The following TPP2 variants were observed in gnomAD, a reference collection of about 807,000 sequenced individuals.
TPP2 encodes the protein tripeptidyl-peptidase 2.
A neutral mutation model predicts 155.9 loss-of-function variants in TPP2; 34 were observed. The observed-to-expected ratio is 0.22, with a 90% CI of 0.17 to 0.29. The LOEUF (loss-of-function observed/expected upper bound fraction) is 0.29, where lower values mean the gene tolerates loss of function less well. Among genes scored for constraint, TPP2 ranks in the 10% least tolerant of loss-of-function variants. The pLI is 1.00. For synonymous variants in TPP2, 510 were observed against 529.4 expected (o/e 0.96, Z 0.50); for missense variants, 1,028 against 1,522.3 (o/e 0.68, Z 5.40).
Position 102,644,905 on chromosome 13 carries a change from G to A in TPP2, c.2293-4G>A. 1.2e-6 allele frequency: 2 copies of A among 1,612,684 alleles called. No individual in the cohort carries two copies. Among genetic ancestry groups the A allele is most frequent in the South Asian group, 1.1e-5 (1 of 90,792 alleles). ...GAGAAAGTAATTTGAGAAATCCTTT[G>A]TAGCATGCATCGGAAGGAATCAACC... is the stretch of plus-strand genomic sequence containing the variant. On this transcript the variant is annotated splice_region_variant and splice_polypyrimidine_tract_variant and intron_variant, in intron 18 of 29. Coordinates refer to ENST00000376052, the MANE Select transcript of TPP2 (RefSeq NM_001330588.2).
rs149378137 is a variant in TPP2 at position 102,663,132 on chromosome 13, T to TTA, written c.3144-515_3144-514insAT. Among the ~76,000 whole-genome samples, 10 of 150,606 alleles carry TTA rather than the reference T, an allele frequency of 6.6e-5. No individual in the cohort carries two copies. In the South Asian group the frequency reaches 8.4e-4, roughly 13 times the overall value. On this transcript the variant is annotated intron_variant, in intron 25 of 29. Coordinates refer to ENST00000376052, the MANE Select transcript of TPP2 (RefSeq NM_001330588.2). Reference sequence around the variant, plus strand: ...TTTTCAGTTTGATTTATTTATTTATTTTTTTTAATTAATTAATTAATTTAT... The same window carrying TTA: ...TTTTCAGTTTGATTTATTTATTTATTTATTTTTTAATTAATTAATTAATTTAT...
Position 102,674,440 on chromosome 13 carries a change from G to T in TPP2, c.3529G>T (p.Ala1177Ser), listed in dbSNP as rs1885175254. 1 of 1,613,870 alleles carries T rather than the reference G, an allele frequency of 6.2e-7. No homozygotes were observed. The highest frequency in any genetic ancestry group is 1.1e-5 in the South Asian group (1 of 91,068). Reference protein sequence around the residue: ...EEGESPLDSLAETFWETTKWT... With the variant: ...EEGESPLDSLSETFWETTKWT... ...AGGAGAAAGTCCTTTGGATTCTCTG[G>T]CAGAAACATTTTGGGAAACTACTAA... The change falls in exon 28 of 30, where the codon GCA (alanine) becomes TCA (serine). Residue 1177 changes from alanine to serine, a missense_variant. Coordinates refer to ENST00000376052, the MANE Select transcript of TPP2 (RefSeq NM_001330588.2).
chr13:102,629,706 C>T, intron 9 of TPP2, 97 bp downstream of exon 9: 1 of 1,418,222 alleles, frequency 7.1e-7, no homozygotes, highest in Non-Finnish European at 9.2e-7. Flanking sequence ...ACACGTAAGA[C>T]ACTGTACACC....
chr13:102,647,743 C>T (rs1883219335), intron 21 of TPP2, among the ~76,000 whole-genome samples: 1 of 152,078 alleles, frequency 6.6e-6, no homozygotes, highest in Non-Finnish European at 1.5e-5. Context: ...CAGCAGTGGC[C>T]GCATGTCTTC....
intron 6 of TPP2, among the ~76,000 whole-genome samples, chr13:102,624,352 T>C (rs946501017): frequency 6.6e-6 from 1 of 152,292 alleles, no homozygotes; most frequent in African/African-American, 2.4e-5. Flanking sequence ...TCCCAGTTCA[T>C]TGAGGTATAG....
intron 7 of TPP2, 133 bp downstream of exon 7, chr13:102,627,299 A>G: frequency 1.5e-6 from 1 of 675,576 alleles, no homozygotes; most frequent in Non-Finnish European, 2.1e-6. Flanking sequence ...TAACAAAGCA[A>G]AAATATTTAC....
At chr13:102,641,824 G>C (rs1263091041) in intron 16 of TPP2, among the ~76,000 whole-genome samples, 3 of 152,130 alleles carry the variant, frequency 2.0e-5, no homozygotes, top group African/African-American at 7.2e-5. Context: ...GAGGATAATC[G>C]GGTTGTACTA....
intron 25 of TPP2, 134 bp from the exon 26 acceptor site, chr13:102,663,514 A>G (rs1184863766): frequency 2.0e-5 from 12 of 597,594 alleles, no homozygotes; most frequent in Middle Eastern, 9.0e-4. Flanking sequence ...ATCCTTGTCA[A>G]TGACTATACT....
intron 25 of TPP2, 61 bp downstream of exon 25, chr13:102,657,268 A>C: frequency 4.2e-6 from 6 of 1,416,080 alleles, no homozygotes; most frequent in Non-Finnish European, 5.7e-6. Context: ...CAACTATAAC[A>C]ATATTGTGTA....
At chr13:102,649,614 C>T (rs774697213) in intron 23 of TPP2, 128 bp downstream of exon 23, 14 of 719,352 alleles carry the variant, frequency 1.9e-5, no homozygotes, top group Non-Finnish European at 3.0e-5. Flanking sequence ...AAAATTTAAT[C>T]CTTTTTTCCC....
intron 5 of TPP2, among the ~76,000 whole-genome samples, chr13:102,619,653 C>A (rs1881010642): frequency 6.6e-6 from 1 of 152,160 alleles, no homozygotes; most frequent in South Asian, 2.1e-4. Context: ...GGTACTAACT[C>A]ATCTTTCATC....
intron 25 of TPP2, among the ~76,000 whole-genome samples, chr13:102,660,204 A>T (rs1019123474): frequency 1.3e-5 from 2 of 152,102 alleles, no homozygotes; most frequent in Non-Finnish European, 1.5e-5. Context: ...AATAAAAATG[A>T]ACTTGAAAAA....
intron 4 of TPP2, among the ~76,000 whole-genome samples, chr13:102,617,075 G>GTT (rs111301394): frequency 7.0e-6 from 1 of 143,806 alleles, no homozygotes. Context: ...CACCCGACTA[G>GTT]TTTTTTTTTT....
At chr13:102,649,300 C>T in intron 22 of TPP2, 108 bp from the exon 23 acceptor site, 1 of 1,438,618 alleles carries the variant, frequency 7.0e-7, no homozygotes, top group South Asian at 1.3e-5. Flanking sequence ...GAAGTCTTAG[C>T]TATGGGAATG....
At chr13:102,642,574 T>C (rs1882838090) in intron 16 of TPP2, among the ~76,000 whole-genome samples, 1 of 152,188 alleles carries the variant, frequency 6.6e-6, no homozygotes, top group Non-Finnish European at 1.5e-5. Flanking sequence ...TTCTGAGAGC[T>C]CTCTGCACAC....
intron 2 of TPP2, 68 bp downstream of exon 2, chr13:102,604,989 T>A: frequency 6.3e-7 from 1 of 1,587,954 alleles, no homozygotes; most frequent in Non-Finnish European, 8.5e-7. Flanking sequence ...CTAATGTTTT[T>A]ACCTTACATT....
chr13:102,635,791 T>A, intron 12 of TPP2, 89 bp downstream of exon 12: 1 of 968,316 alleles, frequency 1.0e-6, no homozygotes. Flanking sequence ...TTTATAACAG[T>A]GATTCAGTAT....
chr13:102,648,773 A>C, intron 21 of TPP2, 134 bp from the exon 22 acceptor site: 1 of 1,185,512 alleles, frequency 8.4e-7, no homozygotes, highest in Non-Finnish European at 1.1e-6. Context: ...ACGTCTGGAT[A>C]GTTAGTTCCT....
chr13:102,606,418 G>T (rs1879834263), intron 2 of TPP2, among the ~76,000 whole-genome samples: 1 of 152,110 alleles, frequency 6.6e-6, no homozygotes, highest in Non-Finnish European at 1.5e-5. Context: ...TCTGCTCAGG[G>T]TCTCACAAGA....
Sources: gnomAD v4.1 joint callset for allele counts (sites outside exome capture counted in the v4.1 genomes callset) on GRCh38, gnomAD v4.1.1 for gene constraint, MANE v1.5 for transcripts, NCBI Gene and HGNC (gene_info 2026-07-23, HGNC 2026-07-21) for gene names.